The following PGPEP1L variants were observed in gnomAD, a reference collection of about 807,000 sequenced individuals.
The protein encoded by PGPEP1L is pyroglutamyl-peptidase 1-like protein.
PGPEP1L carries 7 observed loss-of-function variants against 6.0 expected under a neutral mutation model. The ratio of observed to expected loss-of-function variants is 1.17; its 90% confidence interval spans 0.66 to 2.19. The LOEUF (loss-of-function observed/expected upper bound fraction) is 2.19. PGPEP1L is among the 30% of genes most tolerant of loss of function. The probability of loss-of-function intolerance (pLI) is 0.00; values close to 1 mark genes in which losing one functional copy is unlikely to be tolerated. For missense variants in PGPEP1L, 209 were observed against 192.5 expected, an observed-to-expected ratio of 1.09 and a Z score of -0.51; for synonymous variants, 103 against 83.9, an observed-to-expected ratio of 1.23 and a Z score of -1.24.
At chr15:98,989,275 T>C (rs1567240184) in intron 2 of PGPEP1L, among the ~76,000 whole-genome samples, 2 of 152,150 alleles carry the variant, frequency 1.3e-5, no homozygotes, top group African/African-American at 4.8e-5. Flanking sequence ...ATAACCAGTT[T>C]AGAGAAGAAC....
chr15:98,973,292 T>C (rs1038165931), intron 2 of PGPEP1L, among the ~76,000 whole-genome samples: 6 of 152,186 alleles, frequency 3.9e-5, no homozygotes, highest in African/African-American at 1.4e-4. Context: ...CTTTCAGCAA[T>C]GGACAAATCA....
At chr15:98,990,788 T>G (rs910439076) in intron 2 of PGPEP1L, among the ~76,000 whole-genome samples, 2 of 152,152 alleles carry the variant, frequency 1.3e-5, no homozygotes, top group Non-Finnish European at 2.9e-5. Flanking sequence ...GCAATCAAAT[T>G]AGAACTCAGG....
chr15:98,978,784 C>A (rs540813788), intron 2 of PGPEP1L, among the ~76,000 whole-genome samples: 1 of 137,128 alleles, frequency 7.3e-6, no homozygotes, highest in Non-Finnish European at 1.5e-5. Context: ...GGCTGGAGTG[C>A]GGTGGCATGA....
At chr15:99,000,041 G>T (rs1237198500) in intron 2 of PGPEP1L, among the ~76,000 whole-genome samples, 2 of 152,258 alleles carry the variant, frequency 1.3e-5, no homozygotes, top group Non-Finnish European at 2.9e-5. Flanking sequence ...TTGCAGGGAG[G>T]CGTGGAGGGA....
intron 2 of PGPEP1L, among the ~76,000 whole-genome samples, chr15:98,992,602 A>G (rs1414769792): frequency 6.6e-6 from 1 of 152,208 alleles, no homozygotes; most frequent in Non-Finnish European, 1.5e-5. Flanking sequence ...ACTACTTTAA[A>G]TTTCATATGC....
chr15:98,978,724 ATATTTT>A (rs1463030262), intron 2 of PGPEP1L, among the ~76,000 whole-genome samples: 1,895 of 69,276 alleles, frequency 0.027, 6 homozygotes, highest in African/African-American at 0.065. Context: ...ATATATATAT[ATATTTT>A]TTTTTTTTTT....
Position 98,971,123 on chromosome 15 carries a change from C to T in PGPEP1L, c.-106G>A. ...GCAGCTCCAGAGTCCGCAGCTGCAC[C>T]ACTGTTTCATTCCCCAGGCCCAGCT... On this transcript the variant is annotated 5_prime_UTR_variant, in exon 3 of 5. It introduces an in-frame stop codon into an upstream open reading frame of the 5' UTR. Coordinates refer to ENST00000535714, the MANE Select transcript of PGPEP1L (RefSeq NM_001167902.2). 2 of 1,609,432 alleles carry T rather than the reference C, an allele frequency of 1.2e-6. No individual in the cohort carries two copies. Among genetic ancestry groups the T allele is most frequent in the East Asian group, 2.2e-5 (1 of 44,746 alleles).
In PGPEP1L at chr15:99,002,687, T is replaced by C. The variant is rs184089164; in HGVS notation, c.-142+2742A>G. Among the ~76,000 whole-genome samples the C allele has an allele frequency of 4.9e-3, 747 of 152,300 alleles. 7 individuals are homozygous for C. Among genetic ancestry groups the C allele is most frequent in the South Asian group, 0.04 (193 of 4,828 alleles). ...TTTAAAAAGTGTGTGGCCTCCTGTG[T>C]GGGAGACTAGCCAGTGCCAGATATG... On this transcript the variant is annotated intron_variant, in intron 2 of 4. Transcript: ENST00000535714.
intron 3 of PGPEP1L, 136 bp downstream of exon 3, chr15:98,970,900 G>C: frequency 7.8e-7 from 1 of 1,278,758 alleles, no homozygotes; most frequent in Non-Finnish European, 1.1e-6. Context: ...ACAATCAGCT[G>C]GGACCTTGCA....
intron 2 of PGPEP1L, among the ~76,000 whole-genome samples, chr15:98,989,624 T>G (rs1157612385): frequency 6.6e-6 from 1 of 152,096 alleles, no homozygotes; most frequent in Non-Finnish European, 1.5e-5. Context: ...TCAGAAAATA[T>G]AGAGAACACC....
intron 2 of PGPEP1L, among the ~76,000 whole-genome samples, chr15:98,988,909 GACAA>G (rs2017784027): frequency 6.6e-6 from 1 of 152,148 alleles, no homozygotes; most frequent in Admixed American, 6.5e-5. Context: ...AAGGAAAACT[GACAA>G]ACAGAAAGAA....
At chr15:98,980,362 G>C (rs1287299858) in intron 2 of PGPEP1L, among the ~76,000 whole-genome samples, 1 of 152,150 alleles carries the variant, frequency 6.6e-6, no homozygotes, top group East Asian at 1.9e-4. Flanking sequence ...AAGGTTTCAG[G>C]AGGAGACAGA....
chr15:99,000,538 T>C (rs1351314719), intron 2 of PGPEP1L, among the ~76,000 whole-genome samples: 1 of 152,196 alleles, frequency 6.6e-6, no homozygotes, highest in Non-Finnish European at 1.5e-5. Flanking sequence ...GCACTCTGTA[T>C]CTAGCTCAAG....
chr15:98,984,009 CTTTTTTTTTTTT>C (rs71456904), intron 2 of PGPEP1L, among the ~76,000 whole-genome samples: 3,148 of 115,912 alleles, frequency 0.027, 112 homozygotes, highest in African/African-American at 0.1. Context: ...AGTAAGTAGT[CTTTTTTTTTTTT>C]TTTTTTTTTT....
At chr15:99,000,667 G>C (rs540828492) in intron 2 of PGPEP1L, among the ~76,000 whole-genome samples, 1 of 152,132 alleles carries the variant, frequency 6.6e-6, no homozygotes, top group African/African-American at 2.4e-5. Context: ...TCCACACTCT[G>C]TATCTAACTA....
At chr15:98,990,515 G>T (rs2017805069) in intron 2 of PGPEP1L, among the ~76,000 whole-genome samples, 2 of 152,108 alleles carry the variant, frequency 1.3e-5, no homozygotes, top group African/African-American at 4.8e-5. Flanking sequence ...ATAATAGTGG[G>T]AGACTTTAAC....
chr15:98,976,476 T>A (rs1249416245), intron 2 of PGPEP1L, among the ~76,000 whole-genome samples: 1 of 152,212 alleles, frequency 6.6e-6, no homozygotes, highest in African/African-American at 2.4e-5. Context: ...TTTTCTCATA[T>A]CACAACAATA....
intron 2 of PGPEP1L, among the ~76,000 whole-genome samples, chr15:98,985,870 G>A (rs567599484): frequency 6.6e-6 from 1 of 152,350 alleles, no homozygotes; most frequent in South Asian, 2.1e-4. Flanking sequence ...GAAGAAGTTA[G>A]CCTTCATTGC....
chr15:98,991,700 C>T (rs558933502), intron 2 of PGPEP1L, among the ~76,000 whole-genome samples: 17 of 152,266 alleles, frequency 1.1e-4, no homozygotes, highest in Admixed American at 2.0e-4. Flanking sequence ...ATGCAAAAAT[C>T]CTCAATAAAA....
Sources: gnomAD v4.1 joint callset for allele counts (sites outside exome capture counted in the v4.1 genomes callset) on GRCh38, gnomAD v4.1.1 for gene constraint, MANE v1.5 for transcripts, NCBI Gene and HGNC (gene_info 2026-07-23, HGNC 2026-07-21) for gene names.